Variants in PIK3R1 observed in about 807,000 individuals in gnomAD.
PIK3R1 encodes phosphatidylinositol 3-kinase regulatory subunit alpha.
PIK3R1 carries 29 observed loss-of-function variants against 98.0 expected under a neutral mutation model. That is an observed-to-expected ratio of 0.30 (90% CI 0.22 to 0.40). The LOEUF is 0.40. Among genes scored for constraint, PIK3R1 ranks in the 10% least tolerant of loss-of-function variants. The probability of loss-of-function intolerance (pLI) is 1.00; values close to 1 mark genes in which losing one functional copy is unlikely to be tolerated. For missense variants in PIK3R1, 596 were observed against 872.7 expected, an observed-to-expected ratio of 0.68 and a Z score of 3.99; for synonymous variants, 282 against 311.8, an observed-to-expected ratio of 0.90 and a Z score of 1.01.
At chr5:68,254,525 A>G (rs756496083) in intron 2 of PIK3R1, among the ~76,000 whole-genome samples, 1 of 152,232 alleles carries the variant, frequency 6.6e-6, no homozygotes, top group Non-Finnish European at 1.5e-5. Flanking sequence ...CCCCAAGGGT[A>G]TCTTTACAAA....
chr5:68,226,069 A>C (rs1299742827), intron 1 of PIK3R1, among the ~76,000 whole-genome samples: 1 of 152,056 alleles, frequency 6.6e-6, no homozygotes, highest in Non-Finnish European at 1.5e-5. Flanking sequence ...ATTATCGCTA[A>C]GACATTGCCT....
Position 68,288,984 on chromosome 5 carries a change from G to A in PIK3R1, c.917-3275G>A, listed in dbSNP as rs146468421. On this transcript the variant is annotated intron_variant, in intron 7 of 15. Transcript: ENST00000521381. Reference sequence around the variant, plus strand: ...GTACTAATTACAACGTGCTTGGTTGGAAGTTGGTGCCAGGCCAGGGCTTGG... The same window carrying A: ...GTACTAATTACAACGTGCTTGGTTGAAAGTTGGTGCCAGGCCAGGGCTTGG... Among the ~76,000 whole-genome samples the A allele has an allele frequency of 1.7e-3, 264 of 152,214 alleles. 1 individual carries two copies. The highest frequency in any genetic ancestry group is 6.1e-3 in the African/African-American group (252 of 41,532).
chr5:68,256,038 C>T (rs1745502925), intron 2 of PIK3R1, among the ~76,000 whole-genome samples: 1 of 152,194 alleles, frequency 6.6e-6, no homozygotes, highest in African/African-American at 2.4e-5. Flanking sequence ...TCTTTAACAT[C>T]AAGTATCTGT....
intron 2 of PIK3R1, among the ~76,000 whole-genome samples, chr5:68,262,386 T>TTATA (rs1554047786): frequency 0.27 from 37,809 of 138,260 alleles, 6,087 homozygotes; most frequent in Non-Finnish European, 0.34. Flanking sequence ...TCTATAATTT[T>TTATA]TATATATATA....
chr5:68,257,755 A>G (rs940015449), intron 2 of PIK3R1, among the ~76,000 whole-genome samples: 3 of 152,236 alleles, frequency 2.0e-5, no homozygotes, highest in Non-Finnish European at 2.9e-5. Flanking sequence ...CATCCACTGT[A>G]GATAGCCTCT....
In PIK3R1 at chr5:68,288,242, G is replaced by A. The variant is rs374932771; in HGVS notation, c.917-4017G>A. The A allele has an allele frequency of 9.1e-5, 19 of 207,870 alleles. No individual in the cohort carries two copies. The East Asian group carries it at 1.4e-3, about 15-fold the overall frequency. 12.9% of individuals were successfully genotyped at this position (207,870 alleles called of 1,614,324 possible). A position where few individuals can be genotyped will look rare whatever the true frequency, so the allele number is the denominator to read the frequency against. ...GCCTTCTCATTTCCCAGGCGAAAAT[G>A]AGCAAGTTGGTCTTGCATTGGCCAC... On this transcript the variant is annotated intron_variant, in intron 7 of 15. Coordinates refer to ENST00000521381, the MANE Select transcript of PIK3R1 (RefSeq NM_181523.3).
chr5:68,240,246 G>A (rs189234735), intron 2 of PIK3R1, among the ~76,000 whole-genome samples: 53 of 152,288 alleles, frequency 3.5e-4, no homozygotes, highest in African/African-American at 1.2e-3. Context: ...ATAATTGAGT[G>A]TACTGTTCTA....
In PIK3R1 at chr5:68,273,403, G is replaced by A. The variant is rs762006134; in HGVS notation, c.348G>A (p.Pro116=). 5.0e-6 allele frequency: 8 copies of A among 1,613,842 alleles called. No homozygotes were observed. Among genetic ancestry groups the A allele is most frequent in the East Asian group, 2.2e-5 (1 of 44,882 alleles). Residue 116 remains proline (P), a synonymous_variant, in exon 3 of 16, where the codon CCG becomes CCA. Transcript: ENST00000521381. ...ADVEQQALTL[P]DLAEQFAPPD... ...TGTTGTTTGCAGCTTTGACTCTCCC[G>A]GATCTTGCAGAGCAGTTTGCCCCTC...
intron 1 of PIK3R1, among the ~76,000 whole-genome samples, chr5:68,217,084 G>T (rs1010524945): frequency 3.3e-5 from 5 of 151,846 alleles, no homozygotes; most frequent in Admixed American, 2.6e-4. Flanking sequence ...ATGATTTTAG[G>T]TTTTTTTTCT....
At chr5:68,246,594 T>G (rs1745098444) in intron 2 of PIK3R1, among the ~76,000 whole-genome samples, 1 of 152,220 alleles carries the variant, frequency 6.6e-6, no homozygotes, top group Non-Finnish European at 1.5e-5. Context: ...ATTACAGGCG[T>G]GAGCCACCGC....
intron 14 of PIK3R1, 107 bp downstream of exon 14, chr5:68,295,595 A>C: frequency 1.1e-6 from 1 of 935,182 alleles, no homozygotes; most frequent in Non-Finnish European, 1.7e-6. Context: ...TGAGTTTGGA[A>C]CATCTTGTAG....
chr5:68,258,210 G>A (rs1050828852), intron 2 of PIK3R1, among the ~76,000 whole-genome samples: 23 of 152,200 alleles, frequency 1.5e-4, no homozygotes, highest in African/African-American at 5.1e-4. Context: ...TCGTGGGGAT[G>A]CTACCTTTTT....
chr5:68,273,910 C>T lies in PIK3R1; in HGVS notation c.428-29C>T, dbSNP rs1219712591. 3 of 1,575,314 alleles carry T rather than the reference C, an allele frequency of 1.9e-6. No individual in the cohort carries two copies. The East Asian group carries it at 6.7e-5, about 35-fold the overall frequency. On this transcript the variant is annotated intron_variant, in intron 3 of 15. Transcript: ENST00000521381. ...TCTCCAGAGAGCTGTGTTTTGCATACATGGTCTGTGGTCTGTTTTGTGTCC... is the reference window on the plus strand; with the variant it reads ...TCTCCAGAGAGCTGTGTTTTGCATATATGGTCTGTGGTCTGTTTTGTGTCC...
At position 68,300,806 on chromosome 5, in the gene PIK3R1, ATTGT is replaced by A. The variant is rs568067333; in HGVS notation, c.*3210_*3213del. 2.4e-3 allele frequency: 548 copies of A among 233,150 alleles called. No individual in the cohort carries two copies. Among genetic ancestry groups the A allele is most frequent in the Non-Finnish European group, 3.5e-3 (416 of 118,038 alleles). 14.4% of individuals were successfully genotyped at this position (233,150 alleles called of 1,614,324 possible). A position where few individuals can be genotyped will look rare whatever the true frequency, so the allele number is the denominator to read the frequency against. ...TTTGTTTTGTCTTACAAAGGTGAAAATTGTTTGTAAGTGAAGTGAGAAGTTCATA... is the reference window on the plus strand; with the variant it reads ...TTTGTTTTGTCTTACAAAGGTGAAAATTGTAAGTGAAGTGAGAAGTTCATA... On this transcript the variant is annotated 3_prime_UTR_variant, in exon 16 of 16. Coordinates refer to ENST00000521381, the MANE Select transcript of PIK3R1 (RefSeq NM_181523.3).
chr5:68,273,649 T>C, intron 3 of PIK3R1, 167 bp downstream of exon 3: 1 of 639,782 alleles, frequency 1.6e-6, no homozygotes. Flanking sequence ...GAAAAATGTC[T>C]CAGTCTATAA....
rs1002650241 is a variant in PIK3R1, at chr5:68,294,763, A to C, written c.1568+85A>C. ...GATGATCTCGCTTTCTGTGCTTTGA[A>C]TGATCACGTGGACACAGGAAGGGGA... On this transcript the variant is annotated intron_variant, in intron 12 of 15. Transcript: ENST00000521381. The C allele has an allele frequency of 5.8e-5, 51 of 878,020 alleles. No individual in the cohort carries two copies. In the African/African-American group the frequency reaches 9.0e-4, roughly 15 times the overall value. The allele number at this position is 878,020 out of a possible 1,614,324, so 54.4% of individuals were successfully genotyped here.
At chr5:68,276,941 C>T (rs1322698630) in intron 4 of PIK3R1, among the ~76,000 whole-genome samples, 7 of 152,112 alleles carry the variant, frequency 4.6e-5, no homozygotes, top group South Asian at 4.2e-4. Context: ...TGACGTACCT[C>T]GGTCTAGTAG....
At chr5:68,296,465 A>G (rs3730073) in intron 15 of PIK3R1, 124 bp downstream of exon 15, 3 of 878,908 alleles carry the variant, frequency 3.4e-6, no homozygotes, top group East Asian at 2.5e-5. Context: ...TTACAGTACA[A>G]TAATGTAGAA....
At chr5:68,266,571 G>A (rs1357637949) in intron 2 of PIK3R1, among the ~76,000 whole-genome samples, 1 of 152,168 alleles carries the variant, frequency 6.6e-6, no homozygotes, top group African/African-American at 2.4e-5. Context: ...ATTCCCTTGT[G>A]GGATTGACCA....
Sources: gnomAD v4.1 joint callset for allele counts (sites outside exome capture counted in the v4.1 genomes callset) on GRCh38, gnomAD v4.1.1 for gene constraint, MANE v1.5 for transcripts, NCBI Gene and HGNC (gene_info 2026-07-23, HGNC 2026-07-21) for gene names.